PEMT: variants seen among roughly 807,000 people sequenced by gnomAD.
The protein encoded by PEMT is phosphatidylethanolamine N-methyltransferase, also known as phospholipid methyltransferase.
In PEMT, 23 loss-of-function variants were observed where a neutral mutation model predicts 27.4. The ratio of observed to expected loss-of-function variants is 0.84; its 90% CI spans 0.60 to 1.19. The LOEUF (loss-of-function observed/expected upper bound fraction) is 1.19. Among genes scored for constraint, PEMT ranks in the 50% most tolerant of loss-of-function variants. PEMT has a pLI of 0.00. For missense variants in PEMT, 307 were observed against 310.1 expected (o/e 0.99, Z 0.07); for synonymous variants, 137 against 139.1 (o/e 0.98, Z 0.11).
intron 2 of PEMT, among the ~76,000 whole-genome samples, chr17:17,548,623 A>T (rs1597917664): frequency 6.6e-6 from 1 of 152,030 alleles, no homozygotes; most frequent in South Asian, 2.1e-4. Flanking sequence ...ATCTCGGCTC[A>T]CCGCAACCTC....
intron 5 of PEMT, chr17:17,507,324 CCT>C: frequency 1.3e-6 from 1 of 766,314 alleles, no homozygotes; most frequent in Admixed American, 2.1e-5. Flanking sequence ...CTTGGCTGCC[CCT>C]GTGCCAAGCT....
At chr17:17,559,448 C>A (rs76883027) in intron 2 of PEMT, among the ~76,000 whole-genome samples, 1 of 152,166 alleles carries the variant, frequency 6.6e-6, no homozygotes, top group Non-Finnish European at 1.5e-5. Context: ...AGAGGCCTGT[C>A]GGGGAAGGGA....
At chr17:17,560,223 C>T (rs1910374962) in intron 2 of PEMT, among the ~76,000 whole-genome samples, 1 of 152,180 alleles carries the variant, frequency 6.6e-6, no homozygotes, top group African/African-American at 2.4e-5. Flanking sequence ...AGGCTGTAGG[C>T]CCCAGCCTCG....
At chr17:17,565,028 C>T (rs1366683395) in intron 2 of PEMT, among the ~76,000 whole-genome samples, 3 of 152,222 alleles carry the variant, frequency 2.0e-5, no homozygotes, top group African/African-American at 7.2e-5. Context: ...CGCCTGCCTG[C>T]CAGTGCCTTG....
chr17:17,529,820 C>A (rs1907957249), intron 2 of PEMT, among the ~76,000 whole-genome samples: 1 of 152,202 alleles, frequency 6.6e-6, no homozygotes, highest in South Asian at 2.1e-4. Context: ...CTACCTATAG[C>A]ATCGTATAAA....
At chr17:17,514,779 G>A (rs1906694534) in intron 3 of PEMT, among the ~76,000 whole-genome samples, 2 of 152,278 alleles carry the variant, frequency 1.3e-5, no homozygotes, top group Admixed American at 6.5e-5. Flanking sequence ...TGCAGATGGT[G>A]GAGTGGGAGG....
chr17:17,512,396 C>T lies in PEMT; in HGVS notation c.466+113G>A, dbSNP rs1006554245. The T allele has an allele frequency of 1.9e-6, 2 of 1,065,060 alleles. No homozygotes were observed. Among genetic ancestry groups the T allele is most frequent in the Admixed American group, 3.7e-5 (1 of 26,930 alleles). The allele number at this position is 1,065,060 out of a possible 1,614,324, so 66.0% of individuals were successfully genotyped here. Reference sequence around the variant, plus strand: ...AGCAAAGACGCCCCGATGGAGGGGGCCCCTAGCACTCCCACCGATGTCACG... The same window carrying T: ...AGCAAAGACGCCCCGATGGAGGGGGTCCCTAGCACTCCCACCGATGTCACG... On this transcript the variant is annotated intron_variant, in intron 4 of 6. Coordinates refer to ENST00000255389, the MANE Select transcript of PEMT (RefSeq NM_148172.3). This position sits in a 1 kb window ranked among gnomAD's most constrained non-coding sequence, Gnocchi z 6.3.
In PEMT at chr17:17,522,382, TC is replaced by T. The variant is rs1470799880; in HGVS notation, c.217del (p.Glu73AsnfsTer7). 1 of 1,607,236 alleles carries T rather than the reference TC, an allele frequency of 6.2e-7. No individual in the cohort carries two copies. The highest frequency in any genetic ancestry group is 1.1e-5 in the South Asian group (1 of 90,820). On this transcript the variant is annotated frameshift_variant, in exon 3 of 7. Transcript: ENST00000255389. LOFTEE classifies it high-confidence loss of function. ...PLYWNVVARW[E>X]HKTRKLSRAF... is the part of the protein sequence containing the mutation. The stretch of plus-strand genomic sequence containing the variant: ...CCTGCTCAGCTTGCGGGTCTTGTGT[TC>T]CCATCGTGCAACCTAAACCGTGAGC...
intron 2 of PEMT, among the ~76,000 whole-genome samples, chr17:17,562,971 C>A (rs918533203): frequency 4.4e-4 from 67 of 152,316 alleles, no homozygotes; most frequent in African/African-American, 1.5e-3. Flanking sequence ...CCTTTCCTCG[C>A]AGACGCTCCC....
chr17:17,562,083 G>C (rs977179719), intron 2 of PEMT, among the ~76,000 whole-genome samples: 4 of 152,210 alleles, frequency 2.6e-5, no homozygotes, highest in Admixed American at 2.6e-4. Flanking sequence ...GCTGCAGCTC[G>C]GGGCTGTTTT....
intron 2 of PEMT, among the ~76,000 whole-genome samples, chr17:17,539,249 G>T (rs1364437098): frequency 6.6e-6 from 1 of 152,126 alleles, no homozygotes; most frequent in Non-Finnish European, 1.5e-5. Context: ...CCAAAATGCT[G>T]GGGTTACAGC....
intron 1 of PEMT, among the ~76,000 whole-genome samples, chr17:17,586,548 G>A (rs1213182809): frequency 6.6e-6 from 1 of 152,192 alleles, no homozygotes; most frequent in Admixed American, 6.5e-5. Flanking sequence ...GAATGCACGC[G>A]AGGGCCAAAT....
Position 17,513,958 on chromosome 17 carries a change from G to C in PEMT, c.321-1304C>G. On this transcript the variant is annotated intron_variant, in intron 3 of 6. Coordinates refer to ENST00000255389, the MANE Select transcript of PEMT (RefSeq NM_148172.3). The surrounding 1 kb of genome is among the most constrained non-coding windows in gnomAD (Gnocchi z 4.1). ...CCCAGTCTGTAGACGGCATCTCCCA[G>C]CAGGGCCAGCTTACCATCCACCCCA... Among the ~76,000 whole-genome samples the C allele has an allele frequency of 6.6e-6, 1 of 152,136 alleles. No homozygotes were observed. The highest frequency in any genetic ancestry group is 1.5e-5 in the Non-Finnish European group (1 of 68,016).
rs565064083 is a variant in PEMT at position 17,569,554 on chromosome 17, C to T, written c.204+7366G>A. Among the ~76,000 whole-genome samples, 8 of 152,260 alleles carry T rather than the reference C, an allele frequency of 5.3e-5. No homozygotes were observed. The South Asian group carries it at 1.2e-3, about 24-fold the overall frequency. On this transcript the variant is annotated intron_variant, in intron 2 of 6. Coordinates refer to ENST00000255389, the MANE Select transcript of PEMT (RefSeq NM_148172.3). The stretch of plus-strand genomic sequence containing the variant: ...GCACCCTCCCAAGGCTGGAGGAAAC[C>T]GGCGTGACCCCGTGTGCATCTGCCG...
rs1906485538 is a variant in PEMT, at chr17:17,512,509, C to G, written c.466G>C (p.Gly156Arg). ...GTCACCCCAGCCCTCAGGGTCTTAC[C>G]TAGGAAAGTTCCAGCGAACCCCAGT... The part of the protein sequence containing the change: ...FALGFAGTFL[G>R]DYFGILKEAR... Residue 156 changes from glycine to arginine, a missense_variant and splice_region_variant, in exon 4 of 7, where the codon GGT becomes CGT. Coordinates refer to ENST00000255389, the MANE Select transcript of PEMT (RefSeq NM_148172.3). The surrounding 1 kb of genome is among the most constrained non-coding windows in gnomAD (Gnocchi z 6.3). 3 of 1,595,696 alleles carry G rather than the reference C, an allele frequency of 1.9e-6. No homozygotes were observed. The highest frequency in any genetic ancestry group is 1.7e-5 in the Admixed American group (1 of 58,670).
intron 5 of PEMT, chr17:17,507,402 G>A: frequency 1.7e-6 from 1 of 602,830 alleles, no homozygotes; most frequent in Non-Finnish European, 3.0e-6. Context: ...AGGGCTGGAG[G>A]ACACCTGTGG....
intron 2 of PEMT, among the ~76,000 whole-genome samples, chr17:17,541,276 G>A (rs1366931684): frequency 2.6e-5 from 4 of 152,240 alleles, no homozygotes; most frequent in Non-Finnish European, 4.4e-5. Flanking sequence ...GACAGGTGCG[G>A]TGGTGCCTCA....
At chr17:17,556,239 C>T (rs537724417) in intron 2 of PEMT, among the ~76,000 whole-genome samples, 4 of 152,210 alleles carry the variant, frequency 2.6e-5, no homozygotes, top group South Asian at 2.1e-4. Flanking sequence ...AGCAGCCCTG[C>T]GAGGCAGCTG....
At chr17:17,554,229 C>T (rs556162541) in intron 2 of PEMT, among the ~76,000 whole-genome samples, 8 of 152,220 alleles carry the variant, frequency 5.3e-5, no homozygotes, top group East Asian at 1.9e-4. Context: ...GTTAGAGACC[C>T]GGCCCCCTCC....
Sources: gnomAD v4.1 joint callset for allele counts (sites outside exome capture counted in the v4.1 genomes callset) on GRCh38, gnomAD v4.1.1 for gene constraint, Gnocchi (gnomAD v3.1) non-coding constraint, MANE v1.5 for transcripts, NCBI Gene and HGNC (gene_info 2026-07-23, HGNC 2026-07-21) for gene names.